The following CLEC2A variants were observed in gnomAD, a reference collection of about 807,000 sequenced individuals.
The protein encoded by CLEC2A is keratinocyte-associated C-type lectin.
A neutral mutation model predicts 18.6 loss-of-function variants in CLEC2A; 19 were observed. That is an observed-to-expected ratio of 1.02 (90% confidence interval 0.71 to 1.50). The LOEUF (loss-of-function observed/expected upper bound fraction) is 1.50. Ranked by LOEUF, CLEC2A falls within the 40% of genes most tolerant of loss-of-function variation. The pLI is 0.00. For missense variants in CLEC2A, 190 were observed against 207.9 expected (o/e 0.91, Z 0.53); for synonymous variants, 74 against 64.0 (o/e 1.16, Z -0.75).
chr12:9,917,234 T>C (rs1348185880), intron 3 of CLEC2A, among the ~76,000 whole-genome samples: 1 of 152,222 alleles, frequency 6.6e-6, no homozygotes, highest in Non-Finnish European at 1.5e-5. Context: ...ACTTTTATTT[T>C]AGGTTCTGTG....
At chr12:9,914,348 A>G (rs1863034885) in intron 4 of CLEC2A, among the ~76,000 whole-genome samples, 1 of 152,232 alleles carries the variant, frequency 6.6e-6, no homozygotes. Context: ...TCTCCACAGA[A>G]TTAGAAGAAA....
chr12:9,879,921 T>C, the CLEC2A span, among the ~76,000 whole-genome samples: 5 of 152,214 alleles, frequency 3.3e-5, no homozygotes, highest in Non-Finnish European at 7.3e-5. Flanking sequence ...TGGCTCAGAC[T>C]CCGATGGCAC....
chr12:9,894,083 CT>C (rs1048274675), downstream of CLEC2A, among the ~76,000 whole-genome samples: 60 of 149,382 alleles, frequency 4.0e-4, no homozygotes, highest in African/African-American at 1.5e-3. Flanking sequence ...CTCTTTCTCT[CT>C]TCTTCTTTCT....
chr12:9,887,568 G>A, the CLEC2A span, among the ~76,000 whole-genome samples: 2 of 152,118 alleles, frequency 1.3e-5, no homozygotes, highest in African/African-American at 4.8e-5. Flanking sequence ...GGCTAACTTT[G>A]GATAGAATGA....
At chr12:9,882,807 C>T in the CLEC2A span, among the ~76,000 whole-genome samples, 1 of 151,966 alleles carries the variant, frequency 6.6e-6, no homozygotes, top group African/African-American at 2.4e-5. Flanking sequence ...ATTATTCAGA[C>T]CCTAAAGCCC....
chr12:9,885,078 T>C, the CLEC2A span: 1 of 679,952 alleles, frequency 1.5e-6, no homozygotes, highest in South Asian at 5.9e-5. Context: ...AGAAGATAAA[T>C]GTTGATCCTT....
chr12:9,919,983 G>A (rs576234584), intron 3 of CLEC2A, among the ~76,000 whole-genome samples: 1 of 152,146 alleles, frequency 6.6e-6, no homozygotes. Flanking sequence ...GCCGTGCTGG[G>A]GGACCACTTC....
chr12:9,912,240 G>C (rs1016688384), downstream of CLEC2A, among the ~76,000 whole-genome samples: 1 of 152,182 alleles, frequency 6.6e-6, no homozygotes, highest in African/African-American at 2.4e-5. Flanking sequence ...GAAGCCCTTG[G>C]GTGGGGAAGG....
intron 3 of CLEC2A, among the ~76,000 whole-genome samples, chr12:9,921,654 C>T (rs60691982): frequency 6.6e-6 from 1 of 152,060 alleles, no homozygotes; most frequent in African/African-American, 2.4e-5. Flanking sequence ...CTGCTGTTGA[C>T]TGGAAGTCTT....
downstream of CLEC2A, among the ~76,000 whole-genome samples, chr12:9,895,432 A>C (rs1353554081): frequency 6.6e-6 from 1 of 152,204 alleles, no homozygotes. Context: ...CAGGTCTTGC[A>C]GGCGTAGATA....
chr12:9,895,937 G>A (rs1295153222), downstream of CLEC2A: 8 of 1,118,944 alleles, frequency 7.1e-6, no homozygotes, highest in East Asian at 2.3e-4. Context: ...TCTGCTAACA[G>A]ACATCATCTA....
chr12:9,908,125 G>C (rs1565528630), intron 4 of CLEC2A, among the ~76,000 whole-genome samples: 1 of 152,152 alleles, frequency 6.6e-6, no homozygotes, highest in Non-Finnish European at 1.5e-5. Flanking sequence ...CTGCCTTCTA[G>C]GGGAATGGGA....
In CLEC2A at chr12:9,922,246, A is replaced by G; in HGVS notation, c.140-14T>C. On this transcript the variant is annotated splice_polypyrimidine_tract_variant and intron_variant, in intron 2 of 4. Coordinates refer to ENST00000455827, the MANE Select transcript of CLEC2A (RefSeq NM_001130711.2). ...TGGACCATGTGGCTGAAAAAAAAAGAAAGAAATGATCAGATAAAGCATATG... is the reference window on the plus strand; with the variant it reads ...TGGACCATGTGGCTGAAAAAAAAAGGAAGAAATGATCAGATAAAGCATATG... 4.0e-6 allele frequency: 6 copies of G among 1,511,640 alleles called. No homozygotes were observed. Among genetic ancestry groups the G allele is most frequent in the Non-Finnish European group, 5.3e-6 (6 of 1,129,624 alleles). The allele number at this position is 1,511,640 out of a possible 1,614,324, so 93.6% of individuals were successfully genotyped here.
chr12:9,930,171 C>T (rs1367433587), intron 1 of CLEC2A, among the ~76,000 whole-genome samples: 2 of 152,124 alleles, frequency 1.3e-5, no homozygotes, highest in Non-Finnish European at 2.9e-5. Context: ...AGATGGCATT[C>T]TCCCTGTATA....
chr12:9,893,437 A>G, the CLEC2A span: 2 of 1,431,056 alleles, frequency 1.4e-6, no homozygotes, highest in African/African-American at 2.8e-5. Context: ...AGGAGTTCAT[A>G]CAGAACAGTT....
downstream of CLEC2A, among the ~76,000 whole-genome samples, chr12:9,908,347 G>C (rs1321267900): frequency 1.3e-5 from 2 of 152,144 alleles, no homozygotes; most frequent in African/African-American, 4.8e-5. Flanking sequence ...CTTCCTAACA[G>C]GTTAATTTCT....
chr12:9,901,237 C>G (rs897849297), intron 4 of CLEC2A, among the ~76,000 whole-genome samples: 2 of 152,276 alleles, frequency 1.3e-5, no homozygotes, highest in African/African-American at 4.8e-5. Context: ...TCCAATGTCA[C>G]AATCTCTAAA....
Position 9,926,253 on chromosome 12 carries a change from C to A in CLEC2A, c.139+7G>T. 6.7e-7 allele frequency: 1 copy of A among 1,495,350 alleles called. No individual in the cohort carries two copies. Among genetic ancestry groups the A allele is most frequent in the Non-Finnish European group, 9.1e-7 (1 of 1,096,272 alleles). The allele number at this position is 1,495,350 out of a possible 1,614,324, so 92.6% of individuals were successfully genotyped here. On this transcript the variant is annotated splice_region_variant and intron_variant, in intron 2 of 4. Transcript: ENST00000455827. ...ACCATAGAAAGTGTATGAATTAAAC[C>A]ACTCACCTATCATAATAATGCAAAC...
At chr12:9,928,724 G>T (rs1863320458) in intron 1 of CLEC2A, among the ~76,000 whole-genome samples, 1 of 152,124 alleles carries the variant, frequency 6.6e-6, no homozygotes, top group Non-Finnish European at 1.5e-5. Context: ...ACACGCAAGT[G>T]AGCAATAAGC....
Sources: gnomAD v4.1 joint callset for allele counts (sites outside exome capture counted in the v4.1 genomes callset) on GRCh38, gnomAD v4.1.1 for gene constraint, MANE v1.5 for transcripts, NCBI Gene and HGNC (gene_info 2026-07-23, HGNC 2026-07-21) for gene names.